Variants in ZYG11A observed in about 807,000 individuals in gnomAD.
ZYG11A encodes the protein protein zyg-11 homolog A.
A neutral mutation model predicts 77.2 loss-of-function variants in ZYG11A; 62 were observed. The ratio of observed to expected loss-of-function variants is 0.80; its 90% confidence interval spans 0.65 to 0.99. The LOEUF is 0.99. Ranked by LOEUF, ZYG11A falls within the 50% of genes least tolerant of loss-of-function variation. The pLI, the probability that ZYG11A is intolerant of heterozygous loss-of-function variation, is 0.00. For missense variants in ZYG11A, 828 were observed against 896.8 expected (o/e 0.92, Z 0.98); for synonymous variants, 315 against 324.6 (o/e 0.97, Z 0.32).
intron 13 of ZYG11A, among the ~76,000 whole-genome samples, chr1:52,888,637 C>T (rs1233423769): frequency 1.3e-5 from 2 of 152,158 alleles, no homozygotes; most frequent in East Asian, 1.9e-4. Context: ...GAATTACAAG[C>T]ATGAGACACT....
Position 52,857,246 on chromosome 1 carries a change from CCT to C in ZYG11A, c.507_508del (p.Gln170LysfsTer8), listed in dbSNP as rs1645830432. The C allele has an allele frequency of 6.4e-7, 1 of 1,552,062 alleles. No individual in the cohort carries two copies. The highest frequency in any genetic ancestry group is 1.2e-5 in the South Asian group (1 of 84,060). ...TCTCCTGTTAGACTCGACAAGCATC[CCT>C]CAAAATTCAAGATTACTGTTCTTTA... ...QCLLLDSTSI[P>X]QNSRLLFFSQ... On this transcript the variant is annotated frameshift_variant, in exon 3 of 14. Coordinates refer to ENST00000371528, the MANE Select transcript of ZYG11A (RefSeq NM_001004339.3). LOFTEE classifies it high-confidence loss of function.
chr1:52,849,841 C>A (rs1474600651), intron 1 of ZYG11A, among the ~76,000 whole-genome samples: 3 of 151,790 alleles, frequency 2.0e-5, no homozygotes, highest in Non-Finnish European at 2.9e-5. Context: ...GGCCACCACG[C>A]CCAGCTAATT....
chr1:52,857,233 C>T lies in ZYG11A; in HGVS notation c.492C>T (p.Asp164=), dbSNP rs1171670584. ...IQQNLQCLLL[D]STSIPQNSRL... is the part of the protein sequence containing the mutation. Reference sequence around the variant, plus strand: ...AAAACCTCCAGTGTCTCCTGTTAGACTCGACAAGCATCCCTCAAAATTCAA... The same window carrying T: ...AAAACCTCCAGTGTCTCCTGTTAGATTCGACAAGCATCCCTCAAAATTCAA... The change falls in exon 3 of 14, where the codon GAC becomes GAT. Residue 164 remains aspartate, a synonymous_variant. Transcript: ENST00000371528. 1.3e-6 allele frequency: 2 copies of T among 1,552,254 alleles called. No individual in the cohort carries two copies. Among genetic ancestry groups the T allele is most frequent in the East Asian group, 2.4e-5 (1 of 40,928 alleles).
chr1:52,850,701 G>T (rs192352236), intron 1 of ZYG11A, among the ~76,000 whole-genome samples: 1 of 152,158 alleles, frequency 6.6e-6, no homozygotes, highest in East Asian at 1.9e-4. Flanking sequence ...TGATCTGCCC[G>T]CCTCGGCCTC....
At chr1:52,870,730 G>A (rs904035576) in intron 8 of ZYG11A, among the ~76,000 whole-genome samples, 1 of 152,164 alleles carries the variant, frequency 6.6e-6, no homozygotes, top group Non-Finnish European at 1.5e-5. Context: ...GCGTGACGGC[G>A]CGCGCCTGCA....
At position 52,877,787 on chromosome 1, in the gene ZYG11A, G is replaced by T. The variant is rs1461405727; in HGVS notation, c.1648G>T (p.Ala550Ser). 2.6e-6 allele frequency: 4 copies of T among 1,551,646 alleles called. No individual in the cohort carries two copies. The highest frequency in any genetic ancestry group is 1.4e-5 in the African/African-American group (1 of 73,042). ...LWNLTDGSPAACKHFIENQGL... is the reference protein window; with the variant it reads ...LWNLTDGSPASCKHFIENQGL... ...GAATCTTACAGATGGGTCTCCAGCT[G>T]CCTGCAAGCACTTCATTGAAAATCA... Residue 550 changes from alanine to serine, a missense_variant, in exon 9 of 14, where the codon GCC becomes TCC. Transcript: ENST00000371528.
rs945871157 is a variant in ZYG11A at position 52,893,041 on chromosome 1, A to G, written c.*84A>G. The G allele has an allele frequency of 3.2e-6, 4 of 1,241,186 alleles. No homozygotes were observed. In the African/African-American group the frequency reaches 6.1e-5, roughly 19 times the overall value. The allele number at this position is 1,241,186 out of a possible 1,614,324, so 76.9% of individuals were successfully genotyped here. Reference sequence around the variant, plus strand: ...GTAATTGCACATCAGTTGTCATTGGAGTTTGTGAGTTGGCTGTCTCATTGG... The same window carrying G: ...GTAATTGCACATCAGTTGTCATTGGGGTTTGTGAGTTGGCTGTCTCATTGG... On this transcript the variant is annotated 3_prime_UTR_variant, in exon 14 of 14. Coordinates refer to ENST00000371528, the MANE Select transcript of ZYG11A (RefSeq NM_001004339.3).
chr1:52,877,634 A>G (rs747952639), intron 8 of ZYG11A, 48 bp from the exon 9 acceptor site: 2 of 1,481,434 alleles, frequency 1.4e-6, no homozygotes, highest in African/African-American at 2.8e-5. Flanking sequence ...ACCGCAATTG[A>G]TTATTCATTA....
rs1348936615 is a variant in ZYG11A, at chr1:52,885,940, T to A, written c.2006+46T>A. On this transcript the variant is annotated intron_variant, in intron 12 of 13. Transcript: ENST00000371528. ...TTTTCTTCTTTTTTTTTTCTTCTTTTTTTTATTTTTGAGACAGAGTCTTGC... is the reference window on the plus strand; with the variant it reads ...TTTTCTTCTTTTTTTTTTCTTCTTTATTTTATTTTTGAGACAGAGTCTTGC... 2.8e-6 allele frequency: 4 copies of A among 1,429,420 alleles called. No homozygotes were observed. The East Asian group carries it at 7.5e-5, about 27-fold the overall frequency. The allele number at this position is 1,429,420 out of a possible 1,614,324, so 88.5% of individuals were successfully genotyped here.
At chr1:52,865,882 C>T (rs894480841) in intron 5 of ZYG11A, among the ~76,000 whole-genome samples, 1 of 149,512 alleles carries the variant, frequency 6.7e-6, no homozygotes, top group Non-Finnish European at 1.5e-5. Flanking sequence ...AGTGGTTACA[C>T]AGGGGTATAA....
intron 10 of ZYG11A, among the ~76,000 whole-genome samples, chr1:52,878,758 G>A (rs1307558252): frequency 2.0e-5 from 3 of 151,902 alleles, no homozygotes; most frequent in Admixed American, 6.6e-5. Flanking sequence ...GGTCAACATG[G>A]TGAAACCCTG....
At chr1:52,847,892 T>A (rs1645628879) in intron 1 of ZYG11A, among the ~76,000 whole-genome samples, 1 of 147,220 alleles carries the variant, frequency 6.8e-6, no homozygotes, top group Admixed American at 6.9e-5. Context: ...TTTTTTGAGA[T>A]GGAGTCTCGC....
At chr1:52,884,052 A>AT (rs1247813120) in intron 11 of ZYG11A, among the ~76,000 whole-genome samples, 22 of 150,662 alleles carry the variant, frequency 1.5e-4, no homozygotes, top group Non-Finnish European at 3.0e-5. Context: ...TTTTGTATAT[A>AT]TTTTTTTAGT....
intron 1 of ZYG11A, among the ~76,000 whole-genome samples, chr1:52,847,876 ATTTATTTTTTT>A (rs1350492952): frequency 8.7e-6 from 1 of 114,672 alleles, no homozygotes; most frequent in East Asian, 2.7e-4. Context: ...TTATTTATTT[ATTTATTTTTTT>A]GAGATGGAGT....
chr1:52,843,068 G>A, intron 1 of ZYG11A, 95 bp downstream of exon 1: 2 of 1,126,606 alleles, frequency 1.8e-6, no homozygotes, highest in South Asian at 3.5e-5. Context: ...CGAGGCACTT[G>A]CTGGGGAGTG....
intron 10 of ZYG11A, among the ~76,000 whole-genome samples, chr1:52,879,767 T>TTTATTTAG (rs1646330744): frequency 6.6e-6 from 1 of 150,560 alleles, no homozygotes; most frequent in South Asian, 2.1e-4. Context: ...TATTTATTTA[T>TTTATTTAG]TTATTTATTT....
At chr1:52,852,271 A>C (rs964436135) in intron 1 of ZYG11A, among the ~76,000 whole-genome samples, 2 of 151,412 alleles carry the variant, frequency 1.3e-5, no homozygotes, top group Non-Finnish European at 2.9e-5. Context: ...CTGGTCTCGA[A>C]CTCCTGACCT....
Position 52,867,611 on chromosome 1 carries a change from G to A in ZYG11A, c.1464G>A (p.Val488=). The A allele has an allele frequency of 1.3e-6, 2 of 1,552,274 alleles. No individual in the cohort carries two copies. Among genetic ancestry groups the A allele is most frequent in the Middle Eastern group, 1.7e-4 (1 of 5,998 alleles). ...HENPKMQTMA[V]SVTSILALQL... ...ACCCCAAGATGCAAACAATGGCAGT[G>A]AGTGTCACCTCTATTCTGGCTCTGC... The change falls in exon 7 of 14, where the codon GTG becomes GTA. Residue 488 remains valine, a synonymous_variant. Coordinates refer to ENST00000371528, the MANE Select transcript of ZYG11A (RefSeq NM_001004339.3).
chr1:52,886,755 T>C (rs928231265), intron 12 of ZYG11A, among the ~76,000 whole-genome samples: 2 of 139,018 alleles, frequency 1.4e-5, no homozygotes, highest in East Asian at 4.6e-4. Flanking sequence ...CCTTGTTGCC[T>C]AGGCTGGTCC....
Sources: allele counts gnomAD v4.1 joint callset (sites outside exome capture counted in the v4.1 genomes callset), GRCh38; gene constraint gnomAD v4.1.1; transcripts MANE v1.5; gene names NCBI Gene and HGNC (gene_info 2026-07-23, HGNC 2026-07-21).